Variants in SLC9A4 observed in about 807,000 individuals in gnomAD.
SLC9A4 encodes solute carrier family 9 member A4.
SLC9A4 carries 63 observed loss-of-function variants against 67.4 expected under a neutral mutation model. That is an observed-to-expected ratio of 0.93 (90% CI 0.76 to 1.15). The LOEUF is 1.15. Among genes scored for constraint, SLC9A4 ranks in the 50% most tolerant of loss-of-function variants. The pLI, the probability that SLC9A4 is intolerant of heterozygous loss-of-function variation, is 0.00. For missense variants in SLC9A4, 1,089 were observed against 987.7 expected, an observed-to-expected ratio of 1.10 and a Z score of -1.38; for synonymous variants, 393 against 367.2, an observed-to-expected ratio of 1.07 and a Z score of -0.80.
At chr2:102,525,958 G>C (rs1268136520) in intron 10 of SLC9A4, among the ~76,000 whole-genome samples, 1 of 152,132 alleles carries the variant, frequency 6.6e-6, no homozygotes, top group Non-Finnish European at 1.5e-5. Context: ...CGCGATCTCA[G>C]CTCACTGAAA....
intron 2 of SLC9A4, among the ~76,000 whole-genome samples, chr2:102,484,917 G>A (rs1684554085): frequency 6.6e-6 from 1 of 152,146 alleles, no homozygotes; most frequent in African/African-American, 2.4e-5. Context: ...CTCCTCTGGT[G>A]ACATCTTCCT....
At chr2:102,482,621 T>C (rs1684489479) in intron 2 of SLC9A4, among the ~76,000 whole-genome samples, 1 of 152,198 alleles carries the variant, frequency 6.6e-6, no homozygotes, top group South Asian at 2.1e-4. Context: ...CTCCCAGAGA[T>C]AACCTTCTTT....
intron 2 of SLC9A4, among the ~76,000 whole-genome samples, chr2:102,495,034 T>C (rs1196338794): frequency 6.6e-6 from 1 of 152,070 alleles, no homozygotes; most frequent in Non-Finnish European, 1.5e-5. Context: ...AACTCAACAT[T>C]ATTTTCAAGG....
At chr2:102,515,221 A>G (rs1685252034) in intron 8 of SLC9A4, among the ~76,000 whole-genome samples, 1 of 151,842 alleles carries the variant, frequency 6.6e-6, no homozygotes, top group Non-Finnish European at 1.5e-5. Context: ...AGGAAGTTGG[A>G]AGAAGAGCTA....
chr2:102,503,063 C>T (rs58634634), intron 2 of SLC9A4, among the ~76,000 whole-genome samples: 2,047 of 152,308 alleles, frequency 0.013, 47 homozygotes, highest in African/African-American at 0.046. Flanking sequence ...CCTTTCTAGG[C>T]CCTCTACGGA....
rs547577498 is a variant in SLC9A4, at chr2:102,485,927, C to T, written c.720+6625C>T. On this transcript the variant is annotated intron_variant, in intron 2 of 11. Coordinates refer to ENST00000295269, the MANE Select transcript of SLC9A4 (RefSeq NM_001011552.4). ...CAGGCATGGGCAGAGGGAAGAGTCC[C>T]AGGGTCCTATCTCTCTTTCCCCACA... Among the ~76,000 whole-genome samples, 3 of 152,244 alleles carry T rather than the reference C, an allele frequency of 2.0e-5. No individual in the cohort carries two copies. In the East Asian group the frequency reaches 5.8e-4, roughly 29 times the overall value.
At chr2:102,523,727 T>C (rs769301482) in intron 9 of SLC9A4, among the ~76,000 whole-genome samples, 10 of 152,136 alleles carry the variant, frequency 6.6e-5, no homozygotes, top group Non-Finnish European at 1.2e-4. Context: ...CAGTCTCACC[T>C]CTCACACACT....
At chr2:102,526,449 A>G in intron 11 of SLC9A4, 103 bp downstream of exon 11, 1 of 961,248 alleles carries the variant, frequency 1.0e-6, no homozygotes. Flanking sequence ...TATGTAGGTT[A>G]CTTACATGAT....
chr2:102,481,257 C>T (rs1283562092), intron 2 of SLC9A4, among the ~76,000 whole-genome samples: 5 of 152,132 alleles, frequency 3.3e-5, no homozygotes, highest in Non-Finnish European at 7.4e-5. Context: ...CCTTTATCAG[C>T]TTATACTTCC....
At chr2:102,483,667 G>A (rs1377462786) in intron 2 of SLC9A4, among the ~76,000 whole-genome samples, 7 of 151,520 alleles carry the variant, frequency 4.6e-5, no homozygotes, top group Non-Finnish European at 7.4e-5. Flanking sequence ...ACGCTTAATG[G>A]TAGGCAAAAG....
chr2:102,507,602 T>C (rs561879530), intron 4 of SLC9A4, among the ~76,000 whole-genome samples: 3 of 152,178 alleles, frequency 2.0e-5, no homozygotes, highest in Non-Finnish European at 2.9e-5. Context: ...AGGGATTTGA[T>C]TGTAGAGACC....
chr2:102,499,853 G>T (rs1488709918), intron 2 of SLC9A4, among the ~76,000 whole-genome samples: 1 of 152,158 alleles, frequency 6.6e-6, no homozygotes, highest in Non-Finnish European at 1.5e-5. Context: ...TAAGAAACAT[G>T]ATTGAACCAT....
intron 2 of SLC9A4, among the ~76,000 whole-genome samples, chr2:102,488,475 G>A (rs906813876): frequency 2.6e-5 from 4 of 152,008 alleles, no homozygotes; most frequent in Non-Finnish European, 4.4e-5. Context: ...TTACCCCACA[G>A]GACCAGCTTT....
intron 2 of SLC9A4, among the ~76,000 whole-genome samples, chr2:102,502,244 C>T (rs926410712): frequency 3.3e-5 from 5 of 152,088 alleles, no homozygotes; most frequent in Admixed American, 2.0e-4. Flanking sequence ...GATCATAGTT[C>T]TGGGCTATGG....
intron 8 of SLC9A4, among the ~76,000 whole-genome samples, chr2:102,519,515 A>G (rs1316711483): frequency 6.6e-6 from 1 of 152,168 alleles, no homozygotes; most frequent in Non-Finnish European, 1.5e-5. Flanking sequence ...ATGGTATGGT[A>G]TCATTTTCTA....
intron 8 of SLC9A4, among the ~76,000 whole-genome samples, chr2:102,518,831 CG>C (rs932610582): frequency 9.9e-5 from 15 of 152,144 alleles, no homozygotes; most frequent in African/African-American, 3.6e-4. Flanking sequence ...TGCCCTTATG[CG>C]TTCAAAATTC....
At chr2:102,504,391 C>T (rs1222405983) in intron 3 of SLC9A4, among the ~76,000 whole-genome samples, 1 of 152,184 alleles carries the variant, frequency 6.6e-6, no homozygotes, top group Admixed American at 6.5e-5. Context: ...TTCTGCTGTG[C>T]CCCTCAAACC....
At chr2:102,508,367 T>A (rs1685091601) in intron 5 of SLC9A4, 86 bp downstream of exon 5, 1 of 1,259,472 alleles carries the variant, frequency 7.9e-7, no homozygotes, top group South Asian at 1.5e-5. Context: ...AGGCATTTTA[T>A]CTGATTTTCA....
intron 8 of SLC9A4, among the ~76,000 whole-genome samples, chr2:102,519,362 AT>A (rs1231305928): frequency 2.6e-5 from 4 of 152,224 alleles, no homozygotes; most frequent in Non-Finnish European, 2.9e-5. Context: ...GCTAATCAAA[AT>A]GTGGTGTGTA....
Sources: gnomAD v4.1 joint callset for allele counts (sites outside exome capture counted in the v4.1 genomes callset) on GRCh38, gnomAD v4.1.1 for gene constraint, MANE v1.5 for transcripts, NCBI Gene and HGNC (gene_info 2026-07-23, HGNC 2026-07-21) for gene names.